ELAPOR2: variants seen among roughly 807,000 people sequenced by gnomAD.
ELAPOR2 encodes the protein endosome-lysosome associated apoptosis and autophagy regulator family member 2, also known as endosome/lysosome-associated apoptosis and autophagy regulator family member 2.
A neutral mutation model predicts 120.7 loss-of-function variants in ELAPOR2; 89 were observed. The observed-to-expected ratio is 0.74, with a 90% CI of 0.62 to 0.88. The LOEUF (loss-of-function observed/expected upper bound fraction) is 0.88. Among genes scored for constraint, ELAPOR2 ranks in the 40% least tolerant of loss-of-function variants. ELAPOR2 has a pLI of 0.00. For missense variants in ELAPOR2, 1,134 were observed against 1,251.6 expected, an observed-to-expected ratio of 0.91 and a Z score of 1.42; for synonymous variants, 444 against 444.9, an observed-to-expected ratio of 1.00 and a Z score of 0.03.
chr7:86,941,951 G>A, intron 5 of ELAPOR2, 67 bp downstream of exon 5: 1 of 909,068 alleles, frequency 1.1e-6, no homozygotes, highest in African/African-American at 1.7e-5. Flanking sequence ...TGGGAAAGAA[G>A]AAAAGGTTGG....
intron 1 of ELAPOR2, among the ~76,000 whole-genome samples, chr7:87,018,508 T>C (rs1482893432): frequency 6.6e-6 from 1 of 152,212 alleles, no homozygotes; most frequent in Non-Finnish European, 1.5e-5. Context: ...TCTAGCTAGA[T>C]GATTTTCAAA....
intron 1 of ELAPOR2, among the ~76,000 whole-genome samples, chr7:87,058,355 C>G (rs1376237918): frequency 1.3e-5 from 2 of 152,224 alleles, no homozygotes; most frequent in East Asian, 3.8e-4. Flanking sequence ...CGCCCTGATT[C>G]CTAACAATCT....
chr7:86,957,031 A>G (rs896278583), intron 2 of ELAPOR2, among the ~76,000 whole-genome samples: 25 of 152,132 alleles, frequency 1.6e-4, no homozygotes, highest in African/African-American at 5.8e-4. Flanking sequence ...ATCTCCTCAT[A>G]AAACACTTTT....
intron 18 of ELAPOR2, among the ~76,000 whole-genome samples, chr7:86,898,156 C>T (rs1004974223): frequency 6.6e-6 from 1 of 152,090 alleles, no homozygotes; most frequent in African/African-American, 2.4e-5. Context: ...GAATATTATT[C>T]AGCCATAAAA....
rs114520246 is a variant in ELAPOR2, at chr7:86,971,706, C to T, written c.190-6682G>A. The stretch of plus-strand genomic sequence containing the variant: ...TGAAAACAGCAATAGATGCAGGTGG[C>T]AACAATTATTTCTGGAAGATGAAAA... On this transcript the variant is annotated intron_variant, in intron 1 of 21. Coordinates refer to ENST00000450689, the MANE Select transcript of ELAPOR2 (RefSeq NM_001142749.3). Among the ~76,000 whole-genome samples the T allele has an allele frequency of 5.0e-3, 768 of 152,108 alleles. 6 individuals are homozygous for T. The highest frequency in any genetic ancestry group is 0.018 in the African/African-American group (749 of 41,506).
intron 18 of ELAPOR2, among the ~76,000 whole-genome samples, chr7:86,904,710 T>C (rs527706668): frequency 2.0e-5 from 3 of 152,304 alleles, no homozygotes; most frequent in East Asian, 1.9e-4. Context: ...AGAACACATA[T>C]TTCCCCCTTT....
chr7:86,989,281 G>T (rs1377688869), intron 1 of ELAPOR2, among the ~76,000 whole-genome samples: 1 of 152,186 alleles, frequency 6.6e-6, no homozygotes, highest in East Asian at 1.9e-4. Flanking sequence ...AATAAAGAGA[G>T]TAAAATATGC....
At chr7:87,014,377 T>G (rs1312330759) in intron 1 of ELAPOR2, among the ~76,000 whole-genome samples, 1 of 152,180 alleles carries the variant, frequency 6.6e-6, no homozygotes, top group Non-Finnish European at 1.5e-5. Context: ...CTATGAATAA[T>G]AAGAATTAAC....
intron 2 of ELAPOR2, among the ~76,000 whole-genome samples, chr7:86,954,554 A>G (rs983877178): frequency 3.9e-5 from 6 of 152,186 alleles, no homozygotes; most frequent in African/African-American, 1.4e-4. Flanking sequence ...GTTTAATGAG[A>G]TGTTAATGAT....
intron 3 of ELAPOR2, among the ~76,000 whole-genome samples, chr7:86,946,252 G>C (rs897566317): frequency 2.0e-5 from 3 of 151,782 alleles, no homozygotes; most frequent in African/African-American, 7.3e-5. Flanking sequence ...ACAAATGTTG[G>C]TAAACATGTA....
chr7:87,013,774 C>A (rs986580816), intron 1 of ELAPOR2, among the ~76,000 whole-genome samples: 2 of 152,096 alleles, frequency 1.3e-5, no homozygotes, highest in African/African-American at 4.8e-5. Flanking sequence ...CCTCAAAAAC[C>A]AGCCAGTCGA....
chr7:86,972,249 A>G (rs1792129432), intron 1 of ELAPOR2, among the ~76,000 whole-genome samples: 1 of 152,162 alleles, frequency 6.6e-6, no homozygotes, highest in Admixed American at 6.5e-5. Flanking sequence ...ATCGCTCATC[A>G]GAATTCAGCT....
intron 1 of ELAPOR2, among the ~76,000 whole-genome samples, chr7:86,982,700 A>G (rs1413849578): frequency 6.6e-6 from 1 of 152,218 alleles, no homozygotes; most frequent in Non-Finnish European, 1.5e-5. Flanking sequence ...ATCAAAGACC[A>G]AAGGTAGATA....
chr7:87,049,089 G>A (rs1335881229), intron 1 of ELAPOR2, among the ~76,000 whole-genome samples: 2 of 152,056 alleles, frequency 1.3e-5, no homozygotes. Flanking sequence ...TAAGTGCCAG[G>A]CACTCTTCAA....
At chr7:86,963,954 A>G (rs1791812051) in intron 2 of ELAPOR2, among the ~76,000 whole-genome samples, 1 of 152,156 alleles carries the variant, frequency 6.6e-6, no homozygotes, top group Non-Finnish European at 1.5e-5. Context: ...TTTTTCCCTA[A>G]CTTTCCTCAT....
chr7:86,965,261 T>C (rs1238567521), intron 1 of ELAPOR2, among the ~76,000 whole-genome samples: 1 of 152,130 alleles, frequency 6.6e-6, no homozygotes, highest in African/African-American at 2.4e-5. Context: ...GTTGTGACCA[T>C]TATCCTTTCA....
rs1346314758 is a variant in ELAPOR2, at chr7:86,880,503, G to A, written c.3058C>T (p.Gln1020Ter). ...KEKEDHFESV[Q>*]LKTSRSPNI ...TTTGGGGATCTTGAGGTTTTCAGTTGAACAGATTCAAAATGGTCTTCTTTT... is the reference window on the plus strand; with the variant it reads ...TTTGGGGATCTTGAGGTTTTCAGTTAAACAGATTCAAAATGGTCTTCTTTT... Residue 1020 changes from glutamine to a stop codon, truncating the protein, a stop_gained, in exon 22 of 22, where the codon CAA becomes TAA. Transcript: ENST00000450689. LOFTEE classifies it high-confidence loss of function. The A allele has an allele frequency of 1.2e-6, 2 of 1,608,784 alleles. No homozygotes were observed. Among genetic ancestry groups the A allele is most frequent in the East Asian group, 2.2e-5 (1 of 44,812 alleles).
chr7:86,998,412 T>C (rs1194157867), intron 1 of ELAPOR2, among the ~76,000 whole-genome samples: 2 of 152,202 alleles, frequency 1.3e-5, no homozygotes, highest in African/African-American at 2.4e-5. Flanking sequence ...GGTTCACCGA[T>C]GTCAAGCGAT....
intron 1 of ELAPOR2, among the ~76,000 whole-genome samples, chr7:87,038,823 T>C (rs1794670296): frequency 6.6e-6 from 1 of 151,932 alleles, no homozygotes; most frequent in East Asian, 1.9e-4. Context: ...TATAAGTGTC[T>C]ACATCAAAAA....
Sources: allele counts gnomAD v4.1 joint callset (sites outside exome capture counted in the v4.1 genomes callset), GRCh38; gene constraint gnomAD v4.1.1; transcripts MANE v1.5; gene names NCBI Gene and HGNC (gene_info 2026-07-23, HGNC 2026-07-21).